The following ANKAR variants were observed in gnomAD, a reference collection of about 807,000 sequenced individuals.
ANKAR encodes ankyrin and armadillo repeat-containing protein.
ANKAR carries 136 observed loss-of-function variants against 146.2 expected under a neutral mutation model. That is an observed-to-expected ratio of 0.93 (90% CI 0.81 to 1.07). The LOEUF (loss-of-function observed/expected upper bound fraction) is 1.07, where lower values mean the gene tolerates loss of function less well. ANKAR is among the 50% of genes least tolerant of loss of function. The probability of loss-of-function intolerance (pLI) is 0.00; values close to 1 mark genes in which losing one functional copy is unlikely to be tolerated. For missense variants in ANKAR, 1,567 were observed against 1,679.9 expected, an observed-to-expected ratio of 0.93 and a Z score of 1.18; for synonymous variants, 500 against 575.8, an observed-to-expected ratio of 0.87 and a Z score of 1.88.
At chr2:189,754,769 CCT>C (rs2045840885) in intron 18 of ANKAR, 1 of 233,740 alleles carries the variant, frequency 4.3e-6, no homozygotes, top group Admixed American at 5.4e-5. Context: ...GGGGGGGGAC[CCT>C]GTCTGTGGTG....
intron 18 of ANKAR, chr2:189,755,354 A>G (rs759510597): frequency 9.9e-6 from 16 of 1,613,494 alleles, no homozygotes; most frequent in Non-Finnish European, 7.6e-6. Flanking sequence ...ATGAATGGGA[A>G]TGAATGGCTT....
At chr2:189,748,287 A>G (rs181957043), downstream of ANKAR, among the ~76,000 whole-genome samples, 16 of 152,312 alleles carry the variant, frequency 1.1e-4, no homozygotes, top group South Asian at 8.3e-4. Context: ...ACTGTAGCCT[A>G]TAACTCCTGG....
Position 189,696,299 on chromosome 2 carries a change from TTC to T in ANKAR, c.1640_1641del (p.Ser547TyrfsTer9), listed in dbSNP as rs1369674806. The T allele has an allele frequency of 3.1e-6, 5 of 1,613,950 alleles. No individual in the cohort carries two copies. The African/African-American group carries it at 5.3e-5, about 17-fold the overall frequency. On this transcript the variant is annotated frameshift_variant, in exon 7 of 23. Transcript: ENST00000684021. LOFTEE classifies it high-confidence loss of function. ...ATCATGCTGCCCTGCACAACAGAGT[TTC>T]TATTATATGTCAACTGTGCAATGCT... ...FHHAALHNRV[S>X]IICQLCNANF...
At chr2:189,750,432 G>A, downstream of ANKAR, 1 of 503,660 alleles carries the variant, frequency 2.0e-6, no homozygotes. Flanking sequence ...TCTCAGAAGA[G>A]CAGGTAAAAC....
chr2:189,706,422 T>G (rs1220898822), intron 8 of ANKAR, among the ~76,000 whole-genome samples: 1 of 151,882 alleles, frequency 6.6e-6, no homozygotes, highest in Non-Finnish European at 1.5e-5. Flanking sequence ...CAAAAGAAGC[T>G]GGGAAATGTA....
At position 189,728,393 on chromosome 2, in the gene ANKAR, T is replaced by C; in HGVS notation, c.3004T>C (p.Ser1002Pro). The C allele has an allele frequency of 1.2e-6, 2 of 1,603,102 alleles. No individual in the cohort carries two copies. The highest frequency in any genetic ancestry group is 1.7e-6 in the Non-Finnish European group (2 of 1,177,344). Residue 1002 changes from serine (S) to proline (P), a missense_variant, in exon 14 of 23, where the codon TCA becomes CCA. Transcript: ENST00000684021. ...CAGCTTTATAATAAATATGCTTTTGTCACCATCAGCTAAAATGCAGTATGT... is the reference window on the plus strand; with the variant it reads ...CAGCTTTATAATAAATATGCTTTTGCCACCATCAGCTAAAATGCAGTATGT... ...GYSFIINMLL[S>P]PSAKMQYVGG...
At chr2:189,714,731 G>A (rs2040181724) in intron 10 of ANKAR, among the ~76,000 whole-genome samples, 1 of 152,026 alleles carries the variant, frequency 6.6e-6, no homozygotes, top group Non-Finnish European at 1.5e-5. Flanking sequence ...CGGATCACGA[G>A]GTCAGGAGAT....
chr2:189,725,558 A>G (rs2041793579), intron 12 of ANKAR, among the ~76,000 whole-genome samples: 1 of 152,180 alleles, frequency 6.6e-6, no homozygotes, highest in Non-Finnish European at 1.5e-5. Context: ...GGACACAAGG[A>G]CAACCTGAAG....
intron 7 of ANKAR, among the ~76,000 whole-genome samples, chr2:189,701,348 T>C (rs2038028520): frequency 6.6e-6 from 1 of 152,200 alleles, no homozygotes; most frequent in African/African-American, 2.4e-5. Context: ...CCCTCTCACC[T>C]CAGCCTCCCT....
intron 18 of ANKAR, among the ~76,000 whole-genome samples, chr2:189,757,311 G>C (rs2046224427): frequency 6.6e-6 from 1 of 152,120 alleles, no homozygotes; most frequent in Non-Finnish European, 1.5e-5. Context: ...AGAAGTCAAG[G>C]GTGTCCTTCA....
At chr2:189,717,006 A>G (rs1417931781) in intron 10 of ANKAR, among the ~76,000 whole-genome samples, 1 of 152,134 alleles carries the variant, frequency 6.6e-6, no homozygotes, top group African/African-American at 2.4e-5. Context: ...AACCTAGGCA[A>G]TACCATTCAG....
chr2:189,726,577 T>C (rs2041901100), intron 12 of ANKAR, among the ~76,000 whole-genome samples: 1 of 152,062 alleles, frequency 6.6e-6, no homozygotes, highest in Non-Finnish European at 1.5e-5. Context: ...GTCTATGTCA[T>C]AAGAGACCAA....
chr2:189,720,919 C>T, intron 12 of ANKAR, 132 bp downstream of exon 12: 1 of 636,832 alleles, frequency 1.6e-6, no homozygotes, highest in Non-Finnish European at 2.4e-6. Flanking sequence ...GTAATATAAC[C>T]TTAATATCCA....
At chr2:189,762,458 C>T, downstream of ANKAR, 10 of 476,434 alleles carry the variant, frequency 2.1e-5, no homozygotes, top group Non-Finnish European at 2.7e-5. Context: ...CAGTGCAGCC[C>T]AGACAGACAC....
At chr2:189,712,979 A>C (rs1384334406) in intron 10 of ANKAR, among the ~76,000 whole-genome samples, 1 of 152,234 alleles carries the variant, frequency 6.6e-6, no homozygotes, top group Non-Finnish European at 1.5e-5. Flanking sequence ...TGAGGCATGC[A>C]AAATCTTCAA....
At chr2:189,677,314 T>G (rs1047222111) in intron 2 of ANKAR, among the ~76,000 whole-genome samples, 7 of 152,108 alleles carry the variant, frequency 4.6e-5, no homozygotes, top group Non-Finnish European at 8.8e-5. Context: ...CGATAGTTTT[T>G]GGGGGAACAG....
At position 189,706,982 on chromosome 2, in the gene ANKAR, T is replaced by C; in HGVS notation, c.1955T>C (p.Leu652Pro). The C allele has an allele frequency of 1.9e-6, 3 of 1,613,678 alleles. No homozygotes were observed. Among genetic ancestry groups the C allele is most frequent in the Non-Finnish European group, 2.5e-6 (3 of 1,179,778 alleles). The stretch of plus-strand genomic sequence containing the variant: ...TTACTTGCTGCCACTTCAGGAGCAC[T>C]GGACACTATTCAATACCTGTTTTCT... The part of the protein sequence containing the change: ...PLLLAATSGA[L>P]DTIQYLFSIG... Residue 652 changes from leucine to proline, a missense_variant, in exon 9 of 23, where the codon CTG (leucine) becomes CCG (proline). Coordinates refer to ENST00000684021, the MANE Select transcript of ANKAR (RefSeq NM_001378068.1).
chr2:189,753,876 G>C, intron 18 of ANKAR: 4 of 1,599,322 alleles, frequency 2.5e-6, no homozygotes, highest in Non-Finnish European at 3.4e-6. Flanking sequence ...GTAACATATT[G>C]CAAAGTGTAA....
At chr2:189,684,821 C>A (rs1325227685) in intron 2 of ANKAR, among the ~76,000 whole-genome samples, 1 of 74,548 alleles carries the variant, frequency 1.3e-5, no homozygotes, top group Admixed American at 1.6e-4. Flanking sequence ...GTGACAGAGA[C>A]CCTGTCTCAA....
Sources: gnomAD v4.1 joint callset for allele counts (sites outside exome capture counted in the v4.1 genomes callset) on GRCh38, gnomAD v4.1.1 for gene constraint, MANE v1.5 for transcripts, NCBI Gene and HGNC (gene_info 2026-07-23, HGNC 2026-07-21) for gene names.